Variants in EPHB2 observed in about 807,000 individuals in gnomAD.
EPHB2 encodes the protein EPH receptor B2, also known as ephrin type-B receptor 2.
A neutral mutation model predicts 96.4 loss-of-function variants in EPHB2; 18 were observed. That is an observed-to-expected ratio of 0.19 (90% CI 0.13 to 0.28). EPHB2 has a LOEUF of 0.28. Ranked by LOEUF, EPHB2 falls within the 10% of genes least tolerant of loss-of-function variation. The pLI is 1.00. For synonymous variants in EPHB2, 506 were observed against 534.1 expected (o/e 0.95, Z 0.72); for missense variants, 989 against 1,355.4 (o/e 0.73, Z 4.25).
intron 14 of EPHB2, among the ~76,000 whole-genome samples, chr1:22,911,208 C>T (rs1341566031): frequency 6.6e-6 from 1 of 151,024 alleles, no homozygotes; most frequent in Non-Finnish European, 1.5e-5. Context: ...AATCTTAGTT[C>T]GTGAATAGAT....
intron 1 of EPHB2, among the ~76,000 whole-genome samples, chr1:22,765,318 G>A (rs540339687): frequency 1.3e-5 from 2 of 152,084 alleles, no homozygotes; most frequent in East Asian, 1.9e-4. Flanking sequence ...GGGCTGAGAC[G>A]GAAGGATCAC....
chr1:22,854,409 G>A (rs1164517722), intron 3 of EPHB2, among the ~76,000 whole-genome samples: 1 of 152,216 alleles, frequency 6.6e-6, no homozygotes, highest in African/African-American at 2.4e-5. Flanking sequence ...CTACTTGGAA[G>A]GCTGAAGTGG....
intron 1 of EPHB2, among the ~76,000 whole-genome samples, chr1:22,717,863 A>G (rs1314956185): frequency 6.6e-6 from 1 of 152,004 alleles, no homozygotes; most frequent in East Asian, 1.9e-4. Context: ...ACTGCTCCGT[A>G]CTGTGTGTCC....
intron 1 of EPHB2, among the ~76,000 whole-genome samples, chr1:22,730,980 TCAGTAAGTGGCCCTGGTTTTGCTCCC>T: frequency 6.6e-6 from 1 of 152,026 alleles, no homozygotes; most frequent in East Asian, 1.9e-4. Flanking sequence ...TGGGGAGTTG[TCAGTAAGTGGCCCTGGTTTTGCTCCC>T]CAGGCTGCCT....
intron 1 of EPHB2, among the ~76,000 whole-genome samples, chr1:22,713,668 A>T (rs1643218135): frequency 6.6e-6 from 1 of 152,192 alleles, no homozygotes; most frequent in Non-Finnish European, 1.5e-5. Flanking sequence ...GCCGTGGAGC[A>T]GTAGGAGGGT....
At chr1:22,765,256 CCT>C (rs1221407802) in intron 1 of EPHB2, among the ~76,000 whole-genome samples, 1 of 152,008 alleles carries the variant, frequency 6.6e-6, no homozygotes, top group Non-Finnish European at 1.5e-5. Flanking sequence ...TGTAGAAAAC[CCT>C]GAGTCTAGCC....
chr1:22,802,917 A>G (rs908857349), intron 3 of EPHB2, among the ~76,000 whole-genome samples: 13 of 152,146 alleles, frequency 8.5e-5, no homozygotes, highest in African/African-American at 2.9e-4. Context: ...GGACAGAGAC[A>G]AGGAGCCCCT....
intron 14 of EPHB2, among the ~76,000 whole-genome samples, chr1:22,911,948 C>T (rs183396732): frequency 1.0e-3 from 158 of 152,302 alleles, no homozygotes; most frequent in African/African-American, 3.6e-3. Context: ...ATTAGCGCCA[C>T]CAGCCTTAGC....
At chr1:22,736,109 T>C (rs1643821643) in intron 1 of EPHB2, among the ~76,000 whole-genome samples, 1 of 152,106 alleles carries the variant, frequency 6.6e-6, no homozygotes, top group Admixed American at 6.5e-5. Context: ...AAGGTAGTGC[T>C]CAATAAAGAT....
At chr1:22,819,613 G>A (rs1275480149) in intron 3 of EPHB2, among the ~76,000 whole-genome samples, 3 of 152,048 alleles carry the variant, frequency 2.0e-5, no homozygotes, top group East Asian at 1.9e-4. Flanking sequence ...TGACCACCCC[G>A]GGACAGACTC....
intron 1 of EPHB2, among the ~76,000 whole-genome samples, chr1:22,726,409 T>A (rs1238857821): frequency 1.5e-5 from 1 of 68,942 alleles, no homozygotes; most frequent in Non-Finnish European, 4.1e-5. Context: ...TAATAGTTTC[T>A]TTTTCTTTTT....
intron 1 of EPHB2, among the ~76,000 whole-genome samples, chr1:22,770,207 G>A (rs1197144159): frequency 6.6e-6 from 1 of 152,112 alleles, no homozygotes; most frequent in East Asian, 1.9e-4. Flanking sequence ...ATAGGTAGGT[G>A]GGTGAGTGAG....
chr1:22,749,574 C>G (rs1232824027), intron 1 of EPHB2, among the ~76,000 whole-genome samples: 1 of 152,188 alleles, frequency 6.6e-6, no homozygotes, highest in Non-Finnish European at 1.5e-5. Context: ...TCCTATGTGA[C>G]ATCAGCTCCC....
chr1:22,721,105 C>T (rs1404005750), intron 1 of EPHB2, among the ~76,000 whole-genome samples: 1 of 152,088 alleles, frequency 6.6e-6, no homozygotes, highest in African/African-American at 2.4e-5. Context: ...CCCACCTTGG[C>T]CAGAGGTCAT....
intron 1 of EPHB2, among the ~76,000 whole-genome samples, chr1:22,738,035 A>C (rs1643864972): frequency 6.6e-6 from 1 of 152,128 alleles, no homozygotes; most frequent in African/African-American, 2.4e-5. Context: ...TTCATGCTCT[A>C]CCTTGAGGCA....
chr1:22,747,422 T>TG (rs1163661116), intron 1 of EPHB2, among the ~76,000 whole-genome samples: 1 of 152,240 alleles, frequency 6.6e-6, no homozygotes, highest in Non-Finnish European at 1.5e-5. Flanking sequence ...CAAGGTCTGT[T>TG]GATGCCAGAC....
intron 9 of EPHB2, among the ~76,000 whole-genome samples, chr1:22,901,523 C>T (rs561221595): frequency 6.6e-6 from 1 of 152,294 alleles, no homozygotes; most frequent in Admixed American, 6.5e-5. Context: ...AGCCAGTGGC[C>T]GACACCCGTA....
At chr1:22,887,400 C>T (rs1453920161) in intron 6 of EPHB2, among the ~76,000 whole-genome samples, 2 of 152,158 alleles carry the variant, frequency 1.3e-5, no homozygotes, top group Non-Finnish European at 2.9e-5. Context: ...CTCCAGTCTT[C>T]CTAGGAAGGG....
intron 3 of EPHB2, among the ~76,000 whole-genome samples, chr1:22,845,199 C>T (rs958127401): frequency 3.3e-5 from 5 of 152,172 alleles, no homozygotes; most frequent in Non-Finnish European, 7.3e-5. Flanking sequence ...ATTGGACAAG[C>T]GACTTACCTC....
Sources: gnomAD v4.1 joint callset for allele counts (sites outside exome capture counted in the v4.1 genomes callset) on GRCh38, gnomAD v4.1.1 for gene constraint, MANE v1.5 for transcripts, NCBI Gene and HGNC (gene_info 2026-07-23, HGNC 2026-07-21) for gene names.